Variants in HGD observed in about 807,000 individuals in gnomAD.
HGD encodes the protein homogentisate 1,2-dioxygenase, also known as homogentisate oxidase.
In HGD, 61 loss-of-function variants were observed where a neutral mutation model predicts 60.8. That is an observed-to-expected ratio of 1.00 (90% confidence interval 0.82 to 1.24). The LOEUF (loss-of-function observed/expected upper bound fraction) is 1.24. Ranked by LOEUF, HGD falls within the 50% of genes most tolerant of loss-of-function variation. The pLI, the probability that HGD is intolerant of heterozygous loss-of-function variation, is 0.00. For missense variants in HGD, 542 were observed against 547.1 expected (o/e 0.99, Z 0.09); for synonymous variants, 212 against 187.7 (o/e 1.13, Z -1.06).
intron 3 of HGD, among the ~76,000 whole-genome samples, chr3:120,671,182 G>A (rs1708017742): frequency 6.6e-6 from 1 of 152,074 alleles, no homozygotes; most frequent in African/African-American, 2.4e-5. Context: ...TACGTCCAGT[G>A]CATTTCTAAA....
At chr3:120,662,216 G>A (rs964912311) in intron 4 of HGD, among the ~76,000 whole-genome samples, 13 of 152,096 alleles carry the variant, frequency 8.5e-5, no homozygotes, top group Admixed American at 2.0e-4. Context: ...TGGAGGGGGC[G>A]GGTGATGGTT....
chr3:120,668,764 A>G (rs1158424410), intron 4 of HGD, among the ~76,000 whole-genome samples: 1 of 152,152 alleles, frequency 6.6e-6, no homozygotes, highest in Non-Finnish European at 1.5e-5. Context: ...TTATCATCCC[A>G]TTTTACAATT....
At chr3:120,632,633 C>A (rs749650926) in intron 13 of HGD, among the ~76,000 whole-genome samples, 25 of 152,142 alleles carry the variant, frequency 1.6e-4, no homozygotes, top group Non-Finnish European at 3.5e-4. Flanking sequence ...AAGGTGAGAT[C>A]CTGCCTCCGC....
At chr3:120,671,012 AAT>A in intron 3 of HGD, among the ~76,000 whole-genome samples, 1 of 152,322 alleles carries the variant, frequency 6.6e-6, no homozygotes, top group African/African-American at 2.4e-5. Context: ...TCTCCTTTAA[AAT>A]TACAAAAGTA....
intron 4 of HGD, among the ~76,000 whole-genome samples, chr3:120,653,913 G>A (rs1941416881): frequency 6.6e-6 from 1 of 152,130 alleles, no homozygotes; most frequent in Admixed American, 6.5e-5. Context: ...CCTCCACCAG[G>A]TTCCAGTGAC....
chr3:120,639,948 C>A (rs1405488422), intron 11 of HGD, among the ~76,000 whole-genome samples: 3 of 152,002 alleles, frequency 2.0e-5, no homozygotes, highest in African/African-American at 7.2e-5. Flanking sequence ...CTTTCAGATG[C>A]CATGTAAGAG....
intron 2 of HGD, 112 bp from the exon 3 acceptor site, chr3:120,675,101 A>G: frequency 1.4e-6 from 1 of 737,196 alleles, no homozygotes; most frequent in Non-Finnish European, 2.5e-6. Context: ...GCACATGACC[A>G]TCTGCAACCC....
At chr3:120,678,613 C>A (rs925076798) in intron 1 of HGD, among the ~76,000 whole-genome samples, 4 of 152,184 alleles carry the variant, frequency 2.6e-5, no homozygotes, top group African/African-American at 7.2e-5. Context: ...GAAAGAACAG[C>A]TGATGGTTTG....
At chr3:120,673,759 C>T (rs1303880605) in intron 3 of HGD, among the ~76,000 whole-genome samples, 1 of 152,176 alleles carries the variant, frequency 6.6e-6, no homozygotes, top group Non-Finnish European at 1.5e-5. Context: ...GTTATCATGA[C>T]AATAACTAGC....
intron 4 of HGD, among the ~76,000 whole-genome samples, chr3:120,663,645 G>A (rs1209830261): frequency 6.6e-6 from 1 of 152,136 alleles, no homozygotes; most frequent in Non-Finnish European, 1.5e-5. Flanking sequence ...AGGGAAAAAA[G>A]GGGATTCAGG....
At position 120,634,489 on chromosome 3, in the gene HGD, T is replaced by C. The variant is rs548887607; in HGVS notation, c.1007-1161A>G. ...TTTTCCCACTTCACCCATCTGCCCA[T>C]CCAGTTAGCCAGCACATATAATTAG... On this transcript the variant is annotated intron_variant, in intron 12 of 13. Transcript: ENST00000283871. Among the ~76,000 whole-genome samples the C allele has an allele frequency of 4.0e-4, 61 of 152,184 alleles. 1 individual carries two copies. Among genetic ancestry groups the C allele is most frequent in the African/African-American group, 1.4e-3 (60 of 41,502 alleles).
intron 3 of HGD, among the ~76,000 whole-genome samples, chr3:120,672,375 G>A (rs1430967287): frequency 6.6e-6 from 1 of 152,144 alleles, no homozygotes; most frequent in Non-Finnish European, 1.5e-5. Context: ...GGACATTGAA[G>A]CTCACTAAGA....
intron 1 of HGD, among the ~76,000 whole-genome samples, chr3:120,681,756 G>A (rs1488406597): frequency 6.6e-6 from 1 of 152,176 alleles, no homozygotes; most frequent in African/African-American, 2.4e-5. Flanking sequence ...CTGCAGCAAT[G>A]GGAAGGTGTC....
intron 2 of HGD, 56 bp downstream of exon 2, chr3:120,675,736 G>A: frequency 8.6e-6 from 12 of 1,403,202 alleles, no homozygotes; most frequent in Non-Finnish European, 1.2e-5. Context: ...TGGCCTGAAA[G>A]CTAGTCATCC....
intron 12 of HGD, among the ~76,000 whole-genome samples, chr3:120,636,338 T>A: frequency 6.6e-6 from 1 of 151,110 alleles, no homozygotes; most frequent in Middle Eastern, 3.5e-3. Flanking sequence ...AAAATGCAAA[T>A]TCTTAGGTCC....
intron 3 of HGD, among the ~76,000 whole-genome samples, chr3:120,672,720 GTTC>G (rs1708050642): frequency 6.6e-6 from 1 of 152,158 alleles, no homozygotes; most frequent in Admixed American, 6.5e-5. Context: ...TGAACCTTAT[GTTC>G]TTCATCCTTG....
intron 4 of HGD, among the ~76,000 whole-genome samples, chr3:120,654,228 C>T (rs1249838866): frequency 1.3e-5 from 2 of 152,188 alleles, no homozygotes; most frequent in East Asian, 3.9e-4. Context: ...TTCTGGATTT[C>T]CCAGTAGAAG....
At chr3:120,631,827 A>T (rs571454675) in intron 13 of HGD, among the ~76,000 whole-genome samples, 2 of 152,304 alleles carry the variant, frequency 1.3e-5, no homozygotes, top group South Asian at 4.1e-4. Flanking sequence ...AGGGTCTCCC[A>T]TCCTAATAGG....
At chr3:120,651,601 T>C (rs1436417381) in intron 5 of HGD, among the ~76,000 whole-genome samples, 8 of 152,216 alleles carry the variant, frequency 5.3e-5, no homozygotes, top group Non-Finnish European at 1.5e-5. Flanking sequence ...TTAATAAAGA[T>C]GAGAACTTCA....
Sources: gnomAD v4.1 joint callset for allele counts (sites outside exome capture counted in the v4.1 genomes callset) on GRCh38, gnomAD v4.1.1 for gene constraint, MANE v1.5 for transcripts, NCBI Gene and HGNC (gene_info 2026-07-23, HGNC 2026-07-21) for gene names.